The following SMAD3 variants were observed in gnomAD, a reference collection of about 807,000 sequenced individuals.
SMAD3 encodes MAD homolog 3.
SMAD3 carries 12 observed loss-of-function variants against 51.8 expected under a neutral mutation model. The observed-to-expected ratio is 0.23, with a 90% CI of 0.15 to 0.38. The LOEUF is 0.38. Ranked by LOEUF, SMAD3 falls within the 10% of genes least tolerant of loss-of-function variation. The probability of loss-of-function intolerance (pLI) is 1.00; values close to 1 mark genes in which losing one functional copy is unlikely to be tolerated. For synonymous variants in SMAD3, 238 were observed against 227.7 expected, an observed-to-expected ratio of 1.05 and a Z score of -0.41; for missense variants, 294 against 565.6, an observed-to-expected ratio of 0.52 and a Z score of 4.87.
At chr15:67,165,482 C>T in intron 3 of SMAD3, 98 bp downstream of exon 3, 1 of 1,402,370 alleles carries the variant, frequency 7.1e-7, no homozygotes, top group Non-Finnish European at 9.9e-7. Flanking sequence ...CTGGCCGTCC[C>T]CCGCTCACCC....
chr15:67,144,976 C>T (rs564254871), intron 1 of SMAD3, among the ~76,000 whole-genome samples: 5 of 152,096 alleles, frequency 3.3e-5, no homozygotes, highest in South Asian at 2.1e-4. Context: ...CAAAGCCAGG[C>T]GCACAGGGAG....
At chr15:67,095,469 G>T (rs1005493213) in intron 1 of SMAD3, among the ~76,000 whole-genome samples, 1 of 152,116 alleles carries the variant, frequency 6.6e-6, no homozygotes, top group South Asian at 2.1e-4. Flanking sequence ...TCATGGGCAC[G>T]TGACGAGTAC....
intron 1 of SMAD3, among the ~76,000 whole-genome samples, chr15:67,097,484 A>G (rs1218405085): frequency 1.3e-5 from 2 of 152,092 alleles, no homozygotes; most frequent in South Asian, 2.1e-4. Flanking sequence ...AGCTCAGGCT[A>G]TCTGCCTGCC....
chr15:67,187,031 C>A (rs533142551), intron 7 of SMAD3: 2 of 501,396 alleles, frequency 4.0e-6, no homozygotes, highest in African/African-American at 1.9e-5. Flanking sequence ...AAAGGCCCCC[C>A]TCTCCACACC....
Position 67,194,000 on chromosome 15 carries a change from C to A in SMAD3, c.*3464C>A, listed in dbSNP as rs754298690. The A allele has an allele frequency of 4.3e-6, 1 of 233,152 alleles. No homozygotes were observed. The highest frequency in any genetic ancestry group is 2.2e-5 in the African/African-American group (1 of 45,348). The allele number at this position is 233,152 out of a possible 1,614,324, so 14.4% of individuals were successfully genotyped here. A position where few individuals can be genotyped will look rare whatever the true frequency, so the allele number is the denominator to read the frequency against. ...CGGAGCTCAGGTTACACCACTCCTT[C>A]GTCCTTACAGGAGATGTAGGGAGAA... On this transcript the variant is annotated 3_prime_UTR_variant, in exon 9 of 9. Transcript: ENST00000327367.
intron 1 of SMAD3, among the ~76,000 whole-genome samples, chr15:67,118,599 GC>G (rs1787730772): frequency 6.6e-6 from 1 of 152,160 alleles, no homozygotes; most frequent in South Asian, 2.1e-4. Flanking sequence ...TAGAAAAAAT[GC>G]CTTTCTCTAG....
chr15:67,072,738 CCTT>C (rs1960083521), intron 1 of SMAD3, among the ~76,000 whole-genome samples: 2 of 152,140 alleles, frequency 1.3e-5, no homozygotes, highest in South Asian at 4.1e-4. Context: ...AGGGGTATGA[CCTT>C]CTGTTGGCCT....
intron 1 of SMAD3, among the ~76,000 whole-genome samples, chr15:67,126,745 TC>T (rs1481617370): frequency 6.6e-6 from 1 of 152,178 alleles, no homozygotes; most frequent in Non-Finnish European, 1.5e-5. Flanking sequence ...GTATGTCTCT[TC>T]CTCAGCTCTG....
chr15:67,167,766 T>C (rs1227405892), intron 4 of SMAD3, among the ~76,000 whole-genome samples: 1 of 152,068 alleles, frequency 6.6e-6, no homozygotes, highest in East Asian at 1.9e-4. Context: ...AGCAGCTTCT[T>C]GAATTGAACC....
chr15:67,189,808 G>A (rs1453145607), intron 8 of SMAD3, among the ~76,000 whole-genome samples: 3 of 152,108 alleles, frequency 2.0e-5, no homozygotes, highest in Admixed American at 6.5e-5. Context: ...AACGTGTGGT[G>A]TGCCTTGTTT....
intron 1 of SMAD3, among the ~76,000 whole-genome samples, chr15:67,157,265 A>T (rs894519981): frequency 3.3e-5 from 5 of 152,252 alleles, no homozygotes; most frequent in Non-Finnish European, 7.3e-5. Flanking sequence ...TGGCCCAGTT[A>T]ACTGGCACAG....
chr15:67,070,072 AG>A (rs1960019336), intron 1 of SMAD3, among the ~76,000 whole-genome samples: 1 of 152,158 alleles, frequency 6.6e-6, no homozygotes, highest in East Asian at 1.9e-4. Flanking sequence ...TCTCACTTTG[AG>A]AAAGGAAAAA....
At chr15:67,073,269 T>A (rs1960096260) in intron 1 of SMAD3, among the ~76,000 whole-genome samples, 1 of 152,240 alleles carries the variant, frequency 6.6e-6, no homozygotes, top group Non-Finnish European at 1.5e-5. Flanking sequence ...TACTATCCAC[T>A]GTTGGTTATC....
At chr15:67,160,488 G>A (rs1962395565) in intron 1 of SMAD3, among the ~76,000 whole-genome samples, 1 of 152,114 alleles carries the variant, frequency 6.6e-6, no homozygotes, top group South Asian at 2.1e-4. Flanking sequence ...AGATTGAATT[G>A]TTGGCTGGGC....
intron 1 of SMAD3, among the ~76,000 whole-genome samples, chr15:67,163,944 T>TAAAAAAAAA (rs57803788): frequency 1.3e-4 from 11 of 87,854 alleles, no homozygotes; most frequent in Admixed American, 3.0e-4. Context: ...GTATCAAAAG[T>TAAAAAAAAA]AAAAAAAAAA....
chr15:67,128,123 A>G (rs982147889), intron 1 of SMAD3: 2 of 152,118 alleles, frequency 1.3e-5, no homozygotes, highest in Admixed American at 6.5e-5. Flanking sequence ...CCAGACGTGG[A>G]TATGGTTATG....
intron 1 of SMAD3, among the ~76,000 whole-genome samples, chr15:67,129,244 A>G (rs1400248035): frequency 6.6e-6 from 1 of 152,192 alleles, no homozygotes; most frequent in Non-Finnish European, 1.5e-5. Context: ...TTGGGGAAAG[A>G]ATAATAGCCA....
At chr15:67,166,948 C>T (rs542604646) in intron 4 of SMAD3, 95 bp downstream of exon 4, 1 of 948,830 alleles carries the variant, frequency 1.1e-6, no homozygotes, top group East Asian at 2.6e-5. Context: ...TCCCTCCCTC[C>T]CTTCTATCTC....
chr15:67,111,785 GT>G (rs1961019426), intron 1 of SMAD3, among the ~76,000 whole-genome samples: 4 of 152,202 alleles, frequency 2.6e-5, no homozygotes, highest in African/African-American at 9.6e-5. Flanking sequence ...TGGCATTTGT[GT>G]TTTTTGTTTG....
Sources: allele counts gnomAD v4.1 joint callset (sites outside exome capture counted in the v4.1 genomes callset), GRCh38; gene constraint gnomAD v4.1.1; transcripts MANE v1.5; gene names NCBI Gene and HGNC (gene_info 2026-07-23, HGNC 2026-07-21).